Variants in ASTN2 observed in about 807,000 individuals in gnomAD.
ASTN2 encodes the protein astrotactin 2.
In ASTN2, 54 loss-of-function variants were observed where a neutral mutation model predicts 139.8. The ratio of observed to expected loss-of-function variants is 0.39; its 90% CI spans 0.31 to 0.48. The LOEUF (loss-of-function observed/expected upper bound fraction) is 0.48, where lower values mean the gene tolerates loss of function less well. Among genes scored for constraint, ASTN2 ranks in the 20% least tolerant of loss-of-function variants. The pLI is 0.95. For synonymous variants in ASTN2, 756 were observed against 719.5 expected, an observed-to-expected ratio of 1.05 and a Z score of -0.81; for missense variants, 1,565 against 1,725.1, an observed-to-expected ratio of 0.91 and a Z score of 1.64.
At chr9:116,767,596 A>G (rs1364526623) in intron 13 of ASTN2, among the ~76,000 whole-genome samples, 3 of 152,212 alleles carry the variant, frequency 2.0e-5, no homozygotes, top group African/African-American at 4.8e-5. Flanking sequence ...CCAGAGACAG[A>G]CGGAGACTAC....
chr9:116,915,736 C>A (rs966379348), intron 10 of ASTN2, among the ~76,000 whole-genome samples: 8 of 152,170 alleles, frequency 5.3e-5, no homozygotes, highest in African/African-American at 1.9e-4. Context: ...AGCTCCTGCA[C>A]TTGGGATTTT....
At chr9:117,183,947 G>T (rs1009266227) in intron 3 of ASTN2, among the ~76,000 whole-genome samples, 1 of 152,148 alleles carries the variant, frequency 6.6e-6, no homozygotes, top group Admixed American at 6.5e-5. Flanking sequence ...TCCAGAAATT[G>T]CTTTCTCCTC....
In ASTN2 at chr9:116,425,649, G is replaced by T. The variant is rs781229790; in HGVS notation, c.*202C>A. The T allele has an allele frequency of 6.2e-7, 1 of 1,611,224 alleles. No individual in the cohort carries two copies. Among genetic ancestry groups the T allele is most frequent in the Non-Finnish European group, 8.5e-7 (1 of 1,179,000 alleles). On this transcript the variant is annotated 3_prime_UTR_variant, in exon 23 of 23. Transcript: ENST00000313400. ...TATCTTTGAAAAAATAAAAGATAGAGAAAAATGAATAATTCCATTGGTTAC... is the reference window on the plus strand; with the variant it reads ...TATCTTTGAAAAAATAAAAGATAGATAAAAATGAATAATTCCATTGGTTAC...
chr9:116,983,520 T>TAAA, intron 7 of ASTN2, among the ~76,000 whole-genome samples: 1 of 152,132 alleles, frequency 6.6e-6, no homozygotes, highest in South Asian at 2.1e-4. Flanking sequence ...ATCACAACAA[T>TAAA]AAACATAACC....
At chr9:116,771,856 C>T (rs1009069808) in intron 13 of ASTN2, among the ~76,000 whole-genome samples, 5 of 152,126 alleles carry the variant, frequency 3.3e-5, no homozygotes, top group African/African-American at 1.2e-4. Flanking sequence ...GCCAAGAGGC[C>T]AGGCAGCCAG....
intron 17 of ASTN2, among the ~76,000 whole-genome samples, chr9:116,629,293 A>AT (rs1234192555): frequency 2.0e-5 from 3 of 151,706 alleles, no homozygotes; most frequent in East Asian, 1.9e-4. Context: ...AATTTTTTGC[A>AT]TTTTTGGTAG....
intron 5 of ASTN2, among the ~76,000 whole-genome samples, chr9:117,065,258 G>A (rs1827902223): frequency 6.6e-6 from 1 of 152,130 alleles, no homozygotes; most frequent in Non-Finnish European, 1.5e-5. Context: ...CAAAAACTGA[G>A]AGAGAATAAC....
At chr9:116,939,058 G>A (rs1835155815) in intron 10 of ASTN2, among the ~76,000 whole-genome samples, 1 of 152,190 alleles carries the variant, frequency 6.6e-6, no homozygotes, top group Non-Finnish European at 1.5e-5. Flanking sequence ...AAATGCTGGA[G>A]AACACGGTGG....
In ASTN2 at chr9:116,950,743, T is replaced by C. The variant is rs370811321; in HGVS notation, c.1889+24465A>G. Among the ~76,000 whole-genome samples, 50 of 152,234 alleles carry C rather than the reference T, an allele frequency of 3.3e-4. 2 individuals carry two copies. The South Asian group carries it at 7.9e-3, about 24-fold the overall frequency. On this transcript the variant is annotated intron_variant, in intron 10 of 22. Transcript: ENST00000313400. ...ACCTCTTTCTCACTCCATAAGGCTA[T>C]AGGGAAAATTAGGTTACTAATATGT...
intron 1 of ASTN2, among the ~76,000 whole-genome samples, chr9:117,341,390 A>G (rs1461178320): frequency 6.6e-6 from 1 of 152,170 alleles, no homozygotes; most frequent in Non-Finnish European, 1.5e-5. Context: ...ATAGACAGAC[A>G]CAGCCTCTAA....
chr9:116,834,293 A>G (rs1301186720), intron 11 of ASTN2, among the ~76,000 whole-genome samples: 1 of 152,168 alleles, frequency 6.6e-6, no homozygotes, highest in Admixed American at 6.5e-5. Context: ...TGTTCTATAA[A>G]TGTTAACTAG....
At chr9:116,757,038 GAA>G (rs960111896) in intron 13 of ASTN2, among the ~76,000 whole-genome samples, 5 of 152,274 alleles carry the variant, frequency 3.3e-5, no homozygotes, top group Admixed American at 1.3e-4. Context: ...GCTGAAATGG[GAA>G]AAGTGTTTCC....
intron 17 of ASTN2, among the ~76,000 whole-genome samples, chr9:116,644,117 G>T (rs1314942145): frequency 6.6e-6 from 1 of 152,154 alleles, no homozygotes; most frequent in African/African-American, 2.4e-5. Context: ...GGTCATGGTT[G>T]TAGTGATGGT....
At chr9:117,041,229 A>G (rs1396161392) in intron 5 of ASTN2, among the ~76,000 whole-genome samples, 1 of 152,062 alleles carries the variant, frequency 6.6e-6, no homozygotes, top group Non-Finnish European at 1.5e-5. Flanking sequence ...TTTGCTTACC[A>G]GTTTTAGAGC....
intron 13 of ASTN2, among the ~76,000 whole-genome samples, chr9:116,748,439 T>G (rs1829309991): frequency 6.6e-6 from 1 of 152,188 alleles, no homozygotes; most frequent in Non-Finnish European, 1.5e-5. Context: ...GCTGCTTACT[T>G]TATCACAGCC....
At chr9:116,724,281 C>G (rs1278405548) in intron 16 of ASTN2, among the ~76,000 whole-genome samples, 1 of 152,188 alleles carries the variant, frequency 6.6e-6, no homozygotes, top group African/African-American at 2.4e-5. Context: ...TAATGCACTT[C>G]CTTAAAGACT....
At chr9:116,502,318 C>T (rs1263857359) in intron 19 of ASTN2, among the ~76,000 whole-genome samples, 4 of 151,532 alleles carry the variant, frequency 2.6e-5, no homozygotes, top group Non-Finnish European at 5.9e-5. Flanking sequence ...CACACACTCA[C>T]ACACAGAGAG....
At chr9:116,534,907 A>G (rs4837602) in intron 19 of ASTN2, among the ~76,000 whole-genome samples, 85,352 of 151,954 alleles carry the variant, frequency 0.56, 24,736 homozygotes, top group African/African-American at 0.7. Flanking sequence ...TTTAATTCCT[A>G]GATACCCTTG....
At chr9:116,898,765 G>C (rs1199853547) in intron 10 of ASTN2, among the ~76,000 whole-genome samples, 1 of 152,128 alleles carries the variant, frequency 6.6e-6, no homozygotes, top group Non-Finnish European at 1.5e-5. Context: ...GATCTCCCTG[G>C]CTCAAGCAAT....
Sources: gnomAD v4.1 joint callset for allele counts (sites outside exome capture counted in the v4.1 genomes callset) on GRCh38, gnomAD v4.1.1 for gene constraint, MANE v1.5 for transcripts, NCBI Gene and HGNC (gene_info 2026-07-23, HGNC 2026-07-21) for gene names.